TNFRSF12A: variants seen among roughly 807,000 people sequenced by gnomAD.
TNFRSF12A encodes TNF receptor superfamily member 12A, also known as tumor necrosis factor receptor superfamily member 12A.
TNFRSF12A carries 13 observed loss-of-function variants against 15.5 expected under a neutral mutation model. That is an observed-to-expected ratio of 0.84 (90% CI 0.54 to 1.33). TNFRSF12A has a LOEUF of 1.33. Ranked by LOEUF, TNFRSF12A falls within the 40% of genes most tolerant of loss-of-function variation. The pLI, the probability that TNFRSF12A is intolerant of heterozygous loss-of-function variation, is 0.00. For synonymous variants in TNFRSF12A, 89 were observed against 78.4 expected (o/e 1.14, Z -0.71); for missense variants, 174 against 173.6 (o/e 1.00, Z -0.01).
At position 3,021,335 on chromosome 16, in the gene TNFRSF12A, G is replaced by A. The variant is rs771690848; in HGVS notation, c.199+16G>A. ...TGCCTGGGCTGTGAGTGGGGGGCAG[G>A]GCCAGTGGCCAGCGGACCCCAGACT... On this transcript the variant is annotated intron_variant, in intron 2 of 3. Transcript: ENST00000326577. 6.5e-7 allele frequency: 1 copy of A among 1,549,018 alleles called. No individual in the cohort carries two copies. The highest frequency in any genetic ancestry group is 8.7e-7 in the Non-Finnish European group (1 of 1,154,876).
Position 3,022,111 on chromosome 16 carries a change from G to A in TNFRSF12A, c.*285G>A, listed in dbSNP as rs2072619068. 2.2e-6 allele frequency: 1 copy of A among 450,340 alleles called. No individual in the cohort carries two copies. Among genetic ancestry groups the A allele is most frequent in the African/African-American group, 2.0e-5 (1 of 49,330 alleles). 27.9% of individuals were successfully genotyped at this position (450,340 alleles called of 1,614,324 possible). A position where few individuals can be genotyped will look rare whatever the true frequency, so the allele number is the denominator to read the frequency against. Reference sequence around the variant, plus strand: ...TGCAGCATTTGCACAGGGGAGGGGGGTGCCCTCCTTCCTAGAGGCCCTGGG... The same window carrying A: ...TGCAGCATTTGCACAGGGGAGGGGGATGCCCTCCTTCCTAGAGGCCCTGGG... On this transcript the variant is annotated 3_prime_UTR_variant, in exon 4 of 4. Coordinates refer to ENST00000326577, the MANE Select transcript of TNFRSF12A (RefSeq NM_016639.3).
rs145869202 is a variant in TNFRSF12A at position 3,021,277 on chromosome 16, G to C, written c.157G>C (p.Ala53Pro). 1 of 1,590,152 alleles carries C rather than the reference G, an allele frequency of 6.3e-7. No homozygotes were observed. Among genetic ancestry groups the C allele is most frequent in the Non-Finnish European group, 8.5e-7 (1 of 1,173,690 alleles). ...SADLDKCMDC[A>P]SCRARPHSDF... ...GGACCTGGACAAGTGCATGGACTGC[G>C]CGTCTTGCAGGGCGCGACCGCACAG... Residue 53 changes from alanine to proline, a missense_variant, in exon 2 of 4, where the codon GCG (alanine) becomes CCG (proline). Ala to Pro is a conservative substitution (Grantham distance 27). Transcript: ENST00000326577.
At chr16:3,020,760 G>T (rs1319070170) in intron 1 of TNFRSF12A, 1 of 399,608 alleles carries the variant, frequency 2.5e-6, no homozygotes, top group Non-Finnish European at 4.4e-6. Flanking sequence ...GAGAGAGAAA[G>T]TGAGTGAGGG....
In TNFRSF12A at chr16:3,021,309, C is replaced by T; in HGVS notation, c.189C>T (p.Phe63=). 6.3e-7 allele frequency: 1 copy of T among 1,579,518 alleles called. No homozygotes were observed. Among genetic ancestry groups the T allele is most frequent in the Non-Finnish European group, 8.6e-7 (1 of 1,168,876 alleles). ...GCAGGGCGCGACCGCACAGCGACTT[C>T]TGCCTGGGCTGTGAGTGGGGGGCAG... ...ASCRARPHSD[F]CLGCAAAPPA... is the part of the protein sequence containing the mutation. The change falls in exon 2 of 4, where the codon TTC becomes TTT. Residue 63 remains phenylalanine, a synonymous_variant. Transcript: ENST00000326577.
chr16:3,021,443 G>T, intron 2 of TNFRSF12A, 112 bp from the exon 3 acceptor site: 1 of 1,426,074 alleles, frequency 7.0e-7, no homozygotes, highest in East Asian at 2.5e-5. Context: ...GGAGCTGGGA[G>T]GGGGCTCCGG....
intron 1 of TNFRSF12A, 51 bp downstream of exon 1, chr16:3,020,542 GACTGGGTGTCTGGAGAACAGCGCCGA>G (rs1196563239): frequency 7.3e-6 from 9 of 1,225,028 alleles, no homozygotes; most frequent in Non-Finnish European, 9.3e-6. Context: ...TCGGGAGCCG[GACTGGGTGTCTGGAGAACAGCGCCGA>G]ACTGGGGGAA....
intron 2 of TNFRSF12A, 102 bp downstream of exon 2, chr16:3,021,421 C>T: frequency 2.8e-6 from 4 of 1,407,780 alleles, no homozygotes; most frequent in Non-Finnish European, 3.7e-6. Context: ...GGAAATCATT[C>T]GGGAGGAGGT....
At position 3,022,076 on chromosome 16, in the gene TNFRSF12A, A is replaced by C. The variant is rs1567408419; in HGVS notation, c.*250A>C. The C allele has an allele frequency of 7.8e-6, 4 of 515,760 alleles. No individual in the cohort carries two copies. The highest frequency in any genetic ancestry group is 3.3e-5 in the East Asian group (1 of 30,324). The allele number at this position is 515,760 out of a possible 1,614,324, so 31.9% of individuals were successfully genotyped here. On this transcript the variant is annotated 3_prime_UTR_variant, in exon 4 of 4. Transcript: ENST00000326577. ...GGCTCACACAAAACAGCTGACACTG[A>C]CTAAGGAACTGCAGCATTTGCACAG...
Position 3,020,446 on chromosome 16 carries a change from C to T in TNFRSF12A, c.49C>T (p.Leu17Phe). ...RRLLRLLVLG[L>F]WLALLRSVAG... ...GTTGCTGCGGCTCCTCGTGCTGGGG[C>T]TCTGGCTGGCGTTGCTGCGCTCCGT... Residue 17 changes from leucine to phenylalanine, a missense_variant, in exon 1 of 4, where the codon CTC (leucine) becomes TTC (phenylalanine). By Grantham distance (22) the Leu-to-Phe change is conservative. Transcript: ENST00000326577. The T allele has an allele frequency of 7.7e-7, 1 of 1,294,392 alleles. No homozygotes were observed. The highest frequency in any genetic ancestry group is 9.8e-7 in the Non-Finnish European group (1 of 1,020,250). 80.2% of individuals were successfully genotyped at this position (1,294,392 alleles called of 1,614,324 possible). A position where few individuals can be genotyped will look rare whatever the true frequency, so the allele number is the denominator to read the frequency against.
chr16:3,021,442 A>AG (rs1457004263), intron 2 of TNFRSF12A, 113 bp from the exon 3 acceptor site: 1 of 1,423,160 alleles, frequency 7.0e-7, no homozygotes, highest in East Asian at 2.6e-5. Flanking sequence ...GGGAGCTGGG[A>AG]GGGGGCTCCG....
Position 3,021,273 on chromosome 16 carries a change from C to G in TNFRSF12A, c.153C>G (p.Asp51Glu). ...GCGCGGACCTGGACAAGTGCATGGACTGCGCGTCTTGCAGGGCGCGACCGC... is the reference window on the plus strand; with the variant it reads ...GCGCGGACCTGGACAAGTGCATGGAGTGCGCGTCTTGCAGGGCGCGACCGC... ...SWSADLDKCM[D>E]CASCRARPHS... The change falls in exon 2 of 4, where the codon GAC becomes GAG. Residue 51 changes from aspartate (D) to glutamate (E), a missense_variant. Physicochemically the swap from Asp to Glu is conservative, Grantham distance 45. Coordinates refer to ENST00000326577, the MANE Select transcript of TNFRSF12A (RefSeq NM_016639.3). The G allele has an allele frequency of 1.9e-6, 3 of 1,592,964 alleles. No homozygotes were observed. Among genetic ancestry groups the G allele is most frequent in the Non-Finnish European group, 2.6e-6 (3 of 1,174,590 alleles).
At chr16:3,020,562 G>T in intron 1 of TNFRSF12A, 71 bp downstream of exon 1, 3 of 1,122,886 alleles carry the variant, frequency 2.7e-6, no homozygotes, top group Non-Finnish European at 3.4e-6. Context: ...CTGGAGAACA[G>T]CGCCGAACTG....
In TNFRSF12A at chr16:3,021,288, G is replaced by C; in HGVS notation, c.168G>C (p.Arg56Ser). ...AGTGCATGGACTGCGCGTCTTGCAG[G>C]GCGCGACCGCACAGCGACTTCTGCC... ...LDKCMDCASC[R>S]ARPHSDFCLG... is the part of the protein sequence containing the mutation. Residue 56 changes from arginine to serine, a missense_variant, in exon 2 of 4, where the codon AGG becomes AGC. Transcript: ENST00000326577. 2 of 1,587,726 alleles carry C rather than the reference G, an allele frequency of 1.3e-6. No homozygotes were observed. Among genetic ancestry groups the C allele is most frequent in the Non-Finnish European group, 1.7e-6 (2 of 1,172,430 alleles).
At position 3,021,668 on chromosome 16, in the gene TNFRSF12A, CG is replaced by C; in HGVS notation, c.314del (p.Arg105ProfsTer10). 6.2e-7 allele frequency: 1 copy of C among 1,613,718 alleles called. No homozygotes were observed. The highest frequency in any genetic ancestry group is 8.5e-7 in the Non-Finnish European group (1 of 1,179,946). ...LSGFLVWRRC[R>X]RREKFTTPIE... ...TGGCTTTTTGGTCTGGAGACGATGC[CG>C]CAGGAGAGAGAAGTTCACCAGTAAG... On this transcript the variant is annotated frameshift_variant, in exon 3 of 4. Transcript: ENST00000326577. LOFTEE classifies it high-confidence loss of function.
Position 3,021,813 on chromosome 16 carries a change from C to T in TNFRSF12A, c.377C>T (p.Ala126Val). 1 of 1,612,904 alleles carries T rather than the reference C, an allele frequency of 6.2e-7. No homozygotes were observed. The highest frequency in any genetic ancestry group is 8.5e-7 in the Non-Finnish European group (1 of 1,179,658). Reference protein sequence around the residue: ...ETGGEGCPAVALIQ With the variant: ...ETGGEGCPAVVLIQ Reference sequence around the variant, plus strand: ...GGCGGAGAGGGCTGCCCAGCTGTGGCGCTGATCCAGTGACAATGTGCCCCC... The same window carrying T: ...GGCGGAGAGGGCTGCCCAGCTGTGGTGCTGATCCAGTGACAATGTGCCCCC... The change falls in exon 4 of 4, where the codon GCG becomes GTG. Residue 126 changes from alanine to valine, a missense_variant. Transcript: ENST00000326577.
At chr16:3,021,404 G>C in intron 2 of TNFRSF12A, 85 bp downstream of exon 2, 1 of 1,431,690 alleles carries the variant, frequency 7.0e-7, no homozygotes, top group Non-Finnish European at 9.2e-7. Context: ...CGAGAGCTTT[G>C]CATCTGGGAA....
Position 3,022,025 on chromosome 16 carries a change from C to T in TNFRSF12A, c.*199C>T. The T allele has an allele frequency of 1.7e-6, 1 of 583,994 alleles. No individual in the cohort carries two copies. The highest frequency in any genetic ancestry group is 3.0e-6 in the Non-Finnish European group (1 of 335,694). 36.2% of individuals were successfully genotyped at this position (583,994 alleles called of 1,614,324 possible). On this transcript the variant is annotated 3_prime_UTR_variant, in exon 4 of 4. Transcript: ENST00000326577. ...GTGTCTGGTTGCCCTGCCTCTGGCT[C>T]CAGAACAGAAAGGGAGCCTCACGCT...
chr16:3,022,195 A>G lies in TNFRSF12A; in HGVS notation c.*369A>G. The G allele has an allele frequency of 2.5e-6, 1 of 405,926 alleles. No homozygotes were observed. The highest frequency in any genetic ancestry group is 4.3e-6 in the Non-Finnish European group (1 of 230,160). 25.1% of individuals were successfully genotyped at this position (405,926 alleles called of 1,614,324 possible). ...AGGCCCCACTCACTCAGATGTCCTG[A>G]AATTCCACCACGGGGGTCACCCTGG... On this transcript the variant is annotated 3_prime_UTR_variant, in exon 4 of 4. Coordinates refer to ENST00000326577, the MANE Select transcript of TNFRSF12A (RefSeq NM_016639.3).
At chr16:3,020,699 A>G (rs998069411) in intron 1 of TNFRSF12A, 11 of 346,780 alleles carry the variant, frequency 3.2e-5, no homozygotes, top group East Asian at 3.6e-5. Context: ...CCACCGTCCA[A>G]TTGGGGTTGG....
Sources: allele counts gnomAD v4.1 joint callset, GRCh38; gene constraint gnomAD v4.1.1; transcripts MANE v1.5; gene names NCBI Gene and HGNC (gene_info 2026-07-23, HGNC 2026-07-21).